Variants in LDLRAD4 observed in about 807,000 individuals in gnomAD.
LDLRAD4 encodes the protein low-density lipoprotein receptor class A domain-containing protein 4.
A neutral mutation model predicts 17.0 loss-of-function variants in LDLRAD4; 5 were observed. That is an observed-to-expected ratio of 0.29 (90% CI 0.15 to 0.62). The LOEUF is 0.62. Ranked by LOEUF, LDLRAD4 falls within the 20% of genes least tolerant of loss-of-function variation. The pLI is 0.84. For missense variants in LDLRAD4, 340 were observed against 424.7 expected, an observed-to-expected ratio of 0.80 and a Z score of 1.75; for synonymous variants, 168 against 171.8, an observed-to-expected ratio of 0.98 and a Z score of 0.17.
chr18:13,439,011 A>T (rs1345445970), intron 3 of LDLRAD4, among the ~76,000 whole-genome samples: 2 of 152,222 alleles, frequency 1.3e-5, no homozygotes, highest in Non-Finnish European at 2.9e-5. Context: ...CTCTTAGGAA[A>T]AGTGGCTTAC....
At chr18:13,256,010 CCT>C (rs2145882152) in intron 1 of LDLRAD4, among the ~76,000 whole-genome samples, 1 of 152,060 alleles carries the variant, frequency 6.6e-6, no homozygotes, top group East Asian at 1.9e-4. Context: ...TGCTTGCTAC[CCT>C]CTTAGAAAAT....
intron 1 of LDLRAD4, among the ~76,000 whole-genome samples, chr18:13,271,133 A>T (rs1170990822): frequency 6.6e-6 from 1 of 152,212 alleles, no homozygotes; most frequent in African/African-American, 2.4e-5. Flanking sequence ...AGCAGTAAAC[A>T]TTTTGCCATT....
intron 3 of LDLRAD4, among the ~76,000 whole-genome samples, chr18:13,534,787 AAC>A (rs1182359760): frequency 6.6e-6 from 1 of 152,220 alleles, no homozygotes; most frequent in Non-Finnish European, 1.5e-5. Flanking sequence ...ACAGTCACAG[AAC>A]AGTCTTATCT....
intron 3 of LDLRAD4, chr18:13,612,493 G>T (rs969573469): frequency 1.5e-6 from 2 of 1,346,732 alleles, no homozygotes; most frequent in South Asian, 1.9e-5. Flanking sequence ...AGCACCTGGG[G>T]TGGGCCCTGC....
intron 3 of LDLRAD4, among the ~76,000 whole-genome samples, chr18:13,619,707 C>T (rs1239511053): frequency 1.3e-5 from 2 of 152,188 alleles, no homozygotes; most frequent in Non-Finnish European, 2.9e-5. Flanking sequence ...CGGCAGGCCT[C>T]ACTGACTGCC....
chr18:13,590,680 G>A (rs183321465), intron 3 of LDLRAD4, among the ~76,000 whole-genome samples: 69 of 152,248 alleles, frequency 4.5e-4, no homozygotes, highest in Non-Finnish European at 7.1e-4. Flanking sequence ...GATTAGCCTC[G>A]AGACCCAAGG....
At chr18:13,525,115 T>A (rs1038276043) in intron 3 of LDLRAD4, among the ~76,000 whole-genome samples, 2 of 152,212 alleles carry the variant, frequency 1.3e-5, no homozygotes, top group Non-Finnish European at 2.9e-5. Flanking sequence ...ACTAAATTCA[T>A]CTGGATACGG....
chr18:13,498,238 A>C (rs998022246), intron 3 of LDLRAD4, among the ~76,000 whole-genome samples: 13 of 148,364 alleles, frequency 8.8e-5, no homozygotes, highest in African/African-American at 3.0e-4. Context: ...CTCCACACAC[A>C]CGTCCTGCCG....
In LDLRAD4 at chr18:13,572,997, T is replaced by A. The variant is rs545886868; in HGVS notation, c.182-48120T>A. Among the ~76,000 whole-genome samples the A allele has an allele frequency of 3.3e-5, 5 of 152,384 alleles. No homozygotes were observed. In the South Asian group the frequency reaches 1.0e-3, roughly 32 times the overall value. On this transcript the variant is annotated intron_variant, in intron 3 of 5. Coordinates refer to ENST00000359446, the Ensembl canonical transcript of LDLRAD4. ...CTGTGGGGCTGGAGGTGTGCCCTCCTGTGCTGTGTGGATGTTATTAGATGT... is the reference window on the plus strand; with the variant it reads ...CTGTGGGGCTGGAGGTGTGCCCTCCAGTGCTGTGTGGATGTTATTAGATGT...
chr18:13,535,925 A>G (rs975041919), intron 3 of LDLRAD4, among the ~76,000 whole-genome samples: 1 of 152,176 alleles, frequency 6.6e-6, no homozygotes, highest in East Asian at 1.9e-4. Flanking sequence ...CCCCCATTGA[A>G]TTACCCTAGT....
chr18:13,365,101 C>T (rs1040678202), intron 1 of LDLRAD4, among the ~76,000 whole-genome samples: 2 of 152,162 alleles, frequency 1.3e-5, no homozygotes, highest in Admixed American at 6.5e-5. Flanking sequence ...GAAAGGTGAA[C>T]GTAGCTAGGA....
intron 1 of LDLRAD4, among the ~76,000 whole-genome samples, chr18:13,377,806 C>T (rs1375897596): frequency 2.0e-5 from 3 of 152,208 alleles, no homozygotes; most frequent in Non-Finnish European, 4.4e-5. Context: ...TAGGCAGAGC[C>T]TCGCAGGCCC....
At position 13,247,567 on chromosome 18, in the gene LDLRAD4, T is replaced by C. The variant is rs1269041825; in HGVS notation, c.-467+28579T>C. Among the ~76,000 whole-genome samples, 3 of 152,174 alleles carry C rather than the reference T, an allele frequency of 2.0e-5. 1 individual carries two copies. In the South Asian group the frequency reaches 6.2e-4, roughly 32 times the overall value. ...ATTTCAAACTCTGTAGTAGAGAGCA[T>C]GCTAGTAGGTCCAGTTGACGGCCGC... is the stretch of plus-strand genomic sequence containing the variant. On this transcript the variant is annotated intron_variant, in intron 1 of 5. Coordinates refer to the LDLRAD4 transcript ENST00000399848.
intron 1 of LDLRAD4, among the ~76,000 whole-genome samples, chr18:13,229,893 G>C (rs1207996244): frequency 6.6e-6 from 1 of 152,208 alleles, no homozygotes; most frequent in Non-Finnish European, 1.5e-5. Flanking sequence ...GAGTAGACCT[G>C]CTGTCTCCTG....
upstream of LDLRAD4, among the ~76,000 whole-genome samples, chr18:13,276,562 C>A (rs1303310398): frequency 1.3e-5 from 2 of 152,202 alleles, no homozygotes; most frequent in Non-Finnish European, 2.9e-5. Flanking sequence ...CTTGTAACTG[C>A]AGGACTGATG....
chr18:13,559,559 T>C (rs2094518377), intron 3 of LDLRAD4, among the ~76,000 whole-genome samples: 1 of 152,232 alleles, frequency 6.6e-6, no homozygotes, highest in South Asian at 2.1e-4. Context: ...TATACACATG[T>C]ACACATATAT....
intron 3 of LDLRAD4, among the ~76,000 whole-genome samples, chr18:13,500,467 C>T (rs2093594737): frequency 6.6e-6 from 1 of 152,246 alleles, no homozygotes; most frequent in Non-Finnish European, 1.5e-5. Context: ...TGGCATCATG[C>T]TTTCCCGCCC....
At chr18:13,524,973 T>C (rs2094007475) in intron 3 of LDLRAD4, among the ~76,000 whole-genome samples, 1 of 152,270 alleles carries the variant, frequency 6.6e-6, no homozygotes, top group African/African-American at 2.4e-5. Flanking sequence ...ATATCTTCAC[T>C]GTGCCTGAGT....
At chr18:13,513,801 G>A (rs980299125) in intron 3 of LDLRAD4, among the ~76,000 whole-genome samples, 6 of 152,202 alleles carry the variant, frequency 3.9e-5, no homozygotes, top group Non-Finnish European at 5.9e-5. Context: ...GGCACACTTA[G>A]CCTGTCTTTT....
Sources: gnomAD v4.1 joint callset for allele counts (sites outside exome capture counted in the v4.1 genomes callset) on GRCh38, gnomAD v4.1.1 for gene constraint, MANE v1.5 for transcripts, NCBI Gene and HGNC (gene_info 2026-07-23, HGNC 2026-07-21) for gene names.